Variants in B4GALT1 observed in about 807,000 individuals in gnomAD.
B4GALT1 encodes N-acetyllactosamine synthase.
B4GALT1 carries 16 observed loss-of-function variants against 34.9 expected under a neutral mutation model. That is an observed-to-expected ratio of 0.46 (90% CI 0.31 to 0.70). The LOEUF is 0.70. Ranked by LOEUF, B4GALT1 falls within the 30% of genes least tolerant of loss-of-function variation. B4GALT1 has a pLI of 0.05. For synonymous variants in B4GALT1, 221 were observed against 218.1 expected (o/e 1.01, Z -0.12); for missense variants, 445 against 530.5 (o/e 0.84, Z 1.58).
intron 2 of B4GALT1, among the ~76,000 whole-genome samples, chr9:33,122,736 C>T (rs1409044312): frequency 6.6e-6 from 1 of 152,112 alleles, no homozygotes; most frequent in Admixed American, 6.6e-5. Flanking sequence ...TTTCTAACCC[C>T]GCGTGGTGAG....
At chr9:33,152,766 T>C (rs1054089967) in intron 1 of B4GALT1, among the ~76,000 whole-genome samples, 2 of 151,876 alleles carry the variant, frequency 1.3e-5, no homozygotes, top group Non-Finnish European at 2.9e-5. Flanking sequence ...CCCAGATACT[T>C]GGGAGGCTAA....
At chr9:33,127,954 C>A (rs995421387) in intron 2 of B4GALT1, among the ~76,000 whole-genome samples, 4 of 152,208 alleles carry the variant, frequency 2.6e-5, no homozygotes, top group African/African-American at 4.8e-5. Flanking sequence ...GAGGATGGCA[C>A]ACTCATGGGA....
Position 33,110,707 on chromosome 9 carries a change from T to C in B4GALT1, c.*2747A>G, listed in dbSNP as rs532766729. 1.8e-4 allele frequency: 27 copies of C among 152,248 alleles called. No homozygotes were observed. Among genetic ancestry groups the C allele is most frequent in the Admixed American group, 4.6e-4 (7 of 15,302 alleles). 9.4% of individuals were successfully genotyped at this position (152,248 alleles called of 1,614,324 possible). On this transcript the variant is annotated 3_prime_UTR_variant, in exon 6 of 6. Transcript: ENST00000379731. ...TTTTAAAGGCAAAAATACAGTTCTG[T>C]TTTGAACACCAAGATCAGACACAGC... is the stretch of plus-strand genomic sequence containing the variant.
At chr9:33,127,281 C>T (rs550848304) in intron 2 of B4GALT1, among the ~76,000 whole-genome samples, 1 of 152,308 alleles carries the variant, frequency 6.6e-6, no homozygotes, top group Admixed American at 6.5e-5. Flanking sequence ...CAATTTTAAA[C>T]CCAGCTCCAA....
At chr9:33,118,274 T>A (rs993328571) in intron 3 of B4GALT1, among the ~76,000 whole-genome samples, 7 of 152,182 alleles carry the variant, frequency 4.6e-5, no homozygotes, top group Admixed American at 1.3e-4. Flanking sequence ...GGAGAAGGAC[T>A]TCATACATTC....
At chr9:33,145,679 C>CA (rs964818634) in intron 1 of B4GALT1, among the ~76,000 whole-genome samples, 1 of 152,104 alleles carries the variant, frequency 6.6e-6, no homozygotes, top group African/African-American at 2.4e-5. Flanking sequence ...CTTGGATTGG[C>CA]AAAAAAGCTG....
At chr9:33,143,750 G>C (rs1840385904) in intron 1 of B4GALT1, among the ~76,000 whole-genome samples, 2 of 152,160 alleles carry the variant, frequency 1.3e-5, no homozygotes. Context: ...TTAAGAATGA[G>C]GTCAAGAAAA....
chr9:33,174,958 TAAAAAAAAAAAAAAA>T, the B4GALT1 span, among the ~76,000 whole-genome samples: 22 of 13,348 alleles, frequency 1.6e-3, no homozygotes, highest in African/African-American at 4.6e-3. Flanking sequence ...GACTCTGTCT[TAAAAAAAAAAAAAAA>T]AAAAAAAAAA....
At chr9:33,107,518 C>T (rs1839807115), downstream of B4GALT1, among the ~76,000 whole-genome samples, 1 of 152,208 alleles carries the variant, frequency 6.6e-6, no homozygotes, top group Non-Finnish European at 1.5e-5. Flanking sequence ...GGGGCAGCCG[C>T]CTCCTTGGGC....
chr9:33,176,175 T>C, the B4GALT1 span, among the ~76,000 whole-genome samples: 1 of 152,192 alleles, frequency 6.6e-6, no homozygotes, highest in Non-Finnish European at 1.5e-5. Context: ...CATTCCTCCT[T>C]TTCCAAAAGA....
the B4GALT1 span, among the ~76,000 whole-genome samples, chr9:33,184,557 G>A: frequency 1.3e-5 from 2 of 152,198 alleles, no homozygotes; most frequent in Non-Finnish European, 2.9e-5. Context: ...TAATAGGAGA[G>A]AAAAGACAAG....
intron 2 of B4GALT1, among the ~76,000 whole-genome samples, chr9:33,132,144 A>G (rs1450175135): frequency 6.6e-6 from 1 of 152,152 alleles, no homozygotes; most frequent in East Asian, 1.9e-4. Flanking sequence ...AAAAGATGAT[A>G]TTGACAAGAT....
intron 1 of B4GALT1, among the ~76,000 whole-genome samples, chr9:33,154,738 A>G (rs1465165638): frequency 6.6e-6 from 1 of 152,232 alleles, no homozygotes; most frequent in Non-Finnish European, 1.5e-5. Flanking sequence ...TGGGAGGTCT[A>G]AAGCAAGCAT....
At chr9:33,140,154 A>T (rs1002063565) in intron 1 of B4GALT1, among the ~76,000 whole-genome samples, 1 of 152,040 alleles carries the variant, frequency 6.6e-6, no homozygotes, top group African/African-American at 2.4e-5. Context: ...ACCAGCACGG[A>T]CTCCTGACTG....
At chr9:33,126,609 T>C (rs556889259) in intron 2 of B4GALT1, among the ~76,000 whole-genome samples, 2 of 152,168 alleles carry the variant, frequency 1.3e-5, no homozygotes, top group African/African-American at 4.8e-5. Context: ...TTGTTAACTA[T>C]TGTTAACCAT....
At chr9:33,125,006 C>T (rs1840070646) in intron 2 of B4GALT1, among the ~76,000 whole-genome samples, 1 of 152,124 alleles carries the variant, frequency 6.6e-6, no homozygotes, top group Non-Finnish European at 1.5e-5. Flanking sequence ...AAAGGGTGGG[C>T]CTAATCTTAT....
Position 33,166,918 on chromosome 9 carries a change from C to G in B4GALT1, c.252G>C (p.Pro84=). Residue 84 remains proline, a synonymous_variant, in exon 1 of 6, where the codon CCG becomes CCC. Transcript: ENST00000379731. ...SGELRTGGAR[P]PPPLGASSQP... is the part of the protein sequence containing the mutation. ...GGGAGGAGGCGCCTAGAGGAGGCGG[C>G]GGCCGGGCCCCTCCGGTCCGGAGCT... 6.4e-7 allele frequency: 1 copy of G among 1,572,094 alleles called. No individual in the cohort carries two copies. Among genetic ancestry groups the G allele is most frequent in the Non-Finnish European group, 8.6e-7 (1 of 1,166,008 alleles).
intron 1 of B4GALT1, among the ~76,000 whole-genome samples, chr9:33,154,464 T>C (rs756816716): frequency 3.7e-4 from 56 of 152,324 alleles, no homozygotes; most frequent in Non-Finnish European, 6.5e-4. Flanking sequence ...TATTTAACAT[T>C]GTACTGGAGG....
intron 1 of B4GALT1, among the ~76,000 whole-genome samples, chr9:33,152,271 TCC>T (rs1279090845): frequency 6.6e-6 from 1 of 151,716 alleles, no homozygotes; most frequent in Non-Finnish European, 1.5e-5. Flanking sequence ...ACCACTGCAC[TCC>T]AGCCTGGGCG....
Sources: gnomAD v4.1 joint callset for allele counts (sites outside exome capture counted in the v4.1 genomes callset) on GRCh38, gnomAD v4.1.1 for gene constraint, MANE v1.5 for transcripts, NCBI Gene and HGNC (gene_info 2026-07-23, HGNC 2026-07-21) for gene names.